PATJ: variants seen among roughly 807,000 people sequenced by gnomAD.
PATJ encodes PATJ crumbs cell polarity complex component.
A neutral mutation model predicts 224.9 loss-of-function variants in PATJ; 190 were observed. The observed-to-expected ratio is 0.84, with a 90% CI of 0.75 to 0.95. The LOEUF (loss-of-function observed/expected upper bound fraction) is 0.95. Ranked by LOEUF, PATJ falls within the 40% of genes least tolerant of loss-of-function variation. The pLI is 0.00. For missense variants in PATJ, 2,121 were observed against 2,270.3 expected, an observed-to-expected ratio of 0.93 and a Z score of 1.34; for synonymous variants, 769 against 820.3, an observed-to-expected ratio of 0.94 and a Z score of 1.07.
chr1:62,152,306 A>G (rs1383410750), intron 42 of PATJ, among the ~76,000 whole-genome samples: 1 of 152,064 alleles, frequency 6.6e-6, no homozygotes, highest in African/African-American at 2.4e-5. Flanking sequence ...ATTGGAAGTG[A>G]GTTTGGAGAA....
intron 43 of PATJ, among the ~76,000 whole-genome samples, chr1:62,155,109 T>C (rs1669048286): frequency 1.3e-5 from 2 of 152,208 alleles, no homozygotes; most frequent in African/African-American, 4.8e-5. Flanking sequence ...TATTATACTT[T>C]GCTTTTGAAA....
At chr1:62,035,230 C>T (rs576283790) in intron 29 of PATJ, among the ~76,000 whole-genome samples, 1 of 152,176 alleles carries the variant, frequency 6.6e-6, no homozygotes, top group Non-Finnish European at 1.5e-5. Context: ...CTGCTCAAGG[C>T]ACCTGAAATG....
chr1:62,089,530 G>A (rs1660455019), intron 33 of PATJ, among the ~76,000 whole-genome samples: 1 of 152,070 alleles, frequency 6.6e-6, no homozygotes, highest in African/African-American at 2.4e-5. Flanking sequence ...CTAACCTCAG[G>A]TACCTCATCA....
intron 27 of PATJ, among the ~76,000 whole-genome samples, chr1:61,984,164 A>AT (rs779439336): frequency 0.03 from 3,942 of 132,074 alleles, 94 homozygotes; most frequent in Middle Eastern, 0.063. Flanking sequence ...TATTATTATT[A>AT]TTTTTTTTTT....
At chr1:61,810,224 ATTG>A (rs1274348301) in intron 14 of PATJ, among the ~76,000 whole-genome samples, 7 of 152,036 alleles carry the variant, frequency 4.6e-5, no homozygotes, top group Non-Finnish European at 1.0e-4. Context: ...GAGTCACTTC[ATTG>A]TTGTGACTGT....
intron 41 of PATJ, among the ~76,000 whole-genome samples, chr1:62,137,886 T>G (rs1204813566): frequency 6.6e-6 from 1 of 151,870 alleles, no homozygotes; most frequent in African/African-American, 2.4e-5. Flanking sequence ...TTCTCTTCCT[T>G]CAGGTCCATA....
intron 27 of PATJ, among the ~76,000 whole-genome samples, chr1:61,935,714 C>T (rs1676750839): frequency 6.6e-6 from 1 of 151,914 alleles, no homozygotes; most frequent in South Asian, 2.1e-4. Context: ...TCAGTTGAAC[C>T]TGGGAGGTCA....
chr1:62,074,240 G>A (rs1657918206), intron 31 of PATJ, among the ~76,000 whole-genome samples: 1 of 150,216 alleles, frequency 6.7e-6, no homozygotes, highest in Non-Finnish European at 1.5e-5. Context: ...ATAGCATTAG[G>A]AGATATACCT....
chr1:62,146,189 G>A (rs768664840), intron 41 of PATJ, among the ~76,000 whole-genome samples: 1 of 152,040 alleles, frequency 6.6e-6, no homozygotes, highest in Non-Finnish European at 1.5e-5. Flanking sequence ...GTGGGGATGC[G>A]TCTGGCATGT....
At chr1:62,079,314 C>A (rs1455512664) in intron 31 of PATJ, 136 bp from the exon 32 acceptor site, 4 of 604,102 alleles carry the variant, frequency 6.6e-6, no homozygotes, top group African/African-American at 3.7e-5. Context: ...TAACTTCTTG[C>A]CACCCTCCAA....
chr1:61,873,600 A>G (rs977016968), intron 20 of PATJ, among the ~76,000 whole-genome samples: 1 of 152,262 alleles, frequency 6.6e-6, no homozygotes, highest in African/African-American at 2.4e-5. Context: ...TATTTCTCAC[A>G]GTTATGAAGG....
chr1:61,784,803 A>G (rs1257276180), intron 7 of PATJ, among the ~76,000 whole-genome samples: 1 of 152,228 alleles, frequency 6.6e-6, no homozygotes, highest in East Asian at 1.9e-4. Flanking sequence ...GCATGCATGA[A>G]AACAGAATAT....
At chr1:62,000,650 A>G (rs971304394) in intron 28 of PATJ, among the ~76,000 whole-genome samples, 2 of 150,942 alleles carry the variant, frequency 1.3e-5, no homozygotes, top group African/African-American at 4.9e-5. Context: ...TAGTGCCACA[A>G]TAAACATACG....
chr1:62,098,785 A>T (rs17123071), intron 33 of PATJ, among the ~76,000 whole-genome samples: 6,197 of 152,234 alleles, frequency 0.041, 380 homozygotes, highest in African/African-American at 0.13. Context: ...AGTTGAATAT[A>T]ATAGGGAAGC....
At chr1:62,096,217 T>C (rs1661380159) in intron 33 of PATJ, among the ~76,000 whole-genome samples, 1 of 152,044 alleles carries the variant, frequency 6.6e-6, no homozygotes, top group Non-Finnish European at 1.5e-5. Flanking sequence ...GTAACACCTT[T>C]TTCAACTCCA....
At chr1:62,020,071 G>C (rs1646991627) in intron 29 of PATJ, among the ~76,000 whole-genome samples, 1 of 152,062 alleles carries the variant, frequency 6.6e-6, no homozygotes, top group Non-Finnish European at 1.5e-5. Context: ...TCGGGAGGCT[G>C]AGGCAGGAGC....
At chr1:61,974,043 G>A (rs190559182) in intron 27 of PATJ, among the ~76,000 whole-genome samples, 58 of 150,812 alleles carry the variant, frequency 3.8e-4, no homozygotes, top group Non-Finnish European at 1.5e-4. Flanking sequence ...CAGAGATTTC[G>A]ACTTTGTAGA....
At chr1:61,859,413 AT>A (rs920775543) in intron 18 of PATJ, among the ~76,000 whole-genome samples, 12 of 151,784 alleles carry the variant, frequency 7.9e-5, no homozygotes, top group African/African-American at 2.4e-4. Context: ...AATTTCAAGA[AT>A]TTTTTTTCTT....
intron 31 of PATJ, among the ~76,000 whole-genome samples, chr1:62,068,234 A>T (rs1656808393): frequency 6.6e-6 from 1 of 152,328 alleles, no homozygotes; most frequent in East Asian, 1.9e-4. Context: ...TCAATTAGGG[A>T]TCTCTTTGTT....
Sources: allele counts gnomAD v4.1 joint callset (sites outside exome capture counted in the v4.1 genomes callset), GRCh38; gene constraint gnomAD v4.1.1; transcripts MANE v1.5; gene names NCBI Gene and HGNC (gene_info 2026-07-23, HGNC 2026-07-21).